TPRG1: variants seen among roughly 807,000 people sequenced by gnomAD.
TPRG1 encodes tumor protein p63 regulated 1.
A neutral mutation model predicts 29.3 loss-of-function variants in TPRG1; 29 were observed. The ratio of observed to expected loss-of-function variants is 0.99; its 90% CI spans 0.74 to 1.35. The LOEUF (loss-of-function observed/expected upper bound fraction) is 1.35, where lower values mean the gene tolerates loss of function less well. Among genes scored for constraint, TPRG1 ranks in the 40% most tolerant of loss-of-function variants. TPRG1 has a pLI of 0.00. For missense variants in TPRG1, 327 were observed against 335.0 expected, an observed-to-expected ratio of 0.98 and a Z score of 0.19; for synonymous variants, 130 against 116.8, an observed-to-expected ratio of 1.11 and a Z score of -0.73.
At chr3:189,080,537 G>A (rs1717524167) in intron 4 of TPRG1, among the ~76,000 whole-genome samples, 1 of 152,120 alleles carries the variant, frequency 6.6e-6, no homozygotes, top group Non-Finnish European at 1.5e-5. Flanking sequence ...TTATTCCCTT[G>A]TAGTGATACA....
At chr3:189,113,814 T>C (rs1295418344) in intron 1 of TPRG1, among the ~76,000 whole-genome samples, 2 of 152,012 alleles carry the variant, frequency 1.3e-5, no homozygotes, top group Non-Finnish European at 2.9e-5. Context: ...ATATACCTAA[T>C]GCTAAATGAC....
chr3:189,259,732 A>T (rs548019011), intron 4 of TPRG1, among the ~76,000 whole-genome samples: 2 of 152,100 alleles, frequency 1.3e-5, no homozygotes, highest in East Asian at 3.9e-4. Context: ...GGCCTCCCAG[A>T]CTGCTGGGAT....
intron 2 of TPRG1, among the ~76,000 whole-genome samples, chr3:189,208,916 T>C (rs952347147): frequency 5.9e-5 from 9 of 152,204 alleles, no homozygotes; most frequent in Non-Finnish European, 1.3e-4. Context: ...AAAGTTGTTT[T>C]CTCTGAATCT....
intron 4 of TPRG1, among the ~76,000 whole-genome samples, chr3:189,037,287 A>G (rs1192433677): frequency 6.6e-6 from 1 of 151,870 alleles, no homozygotes; most frequent in Non-Finnish European, 1.5e-5. Flanking sequence ...GAAAAGAAAA[A>G]AACATGATGA....
At chr3:189,229,964 C>G (rs555994989) in intron 3 of TPRG1, among the ~76,000 whole-genome samples, 1 of 152,310 alleles carries the variant, frequency 6.6e-6, no homozygotes, top group Admixed American at 6.5e-5. Flanking sequence ...TCTTGTCCGT[C>G]TGTTCTTCCC....
chr3:189,051,008 C>A (rs2152139398), intron 4 of TPRG1, among the ~76,000 whole-genome samples: 1 of 152,284 alleles, frequency 6.6e-6, no homozygotes. Context: ...AAAGCATTCC[C>A]TCTGAGAACT....
chr3:189,075,164 A>T (rs1322924934), intron 4 of TPRG1, among the ~76,000 whole-genome samples: 2 of 145,698 alleles, frequency 1.4e-5, no homozygotes, highest in Non-Finnish European at 3.0e-5. Context: ...ACGAAGTCTC[A>T]GTCTGTTGCC....
rs1715665952 is a variant in TPRG1 at position 189,056,065 on chromosome 3, C to T, written c.-463+32119C>T. On this transcript the variant is annotated intron_variant, in intron 4 of 10. Transcript: ENST00000433971. ...CCTTCCTTCCTTCCTTCCTTCCTTCCTTCCTTCCTTCCTTCCTTCCTTCCT... is the reference window on the plus strand; with the variant it reads ...CCTTCCTTCCTTCCTTCCTTCCTTCTTTCCTTCCTTCCTTCCTTCCTTCCT... Among the ~76,000 whole-genome samples the T allele has an allele frequency of 2.2e-5, 3 of 133,340 alleles. No homozygotes were observed. The South Asian group carries it at 8.6e-4, about 38-fold the overall frequency. 87.5% of individuals were successfully genotyped at this position (133,340 alleles called of 152,430 possible).
chr3:189,272,748 C>G (rs865876817), intron 4 of TPRG1, among the ~76,000 whole-genome samples: 5 of 136,282 alleles, frequency 3.7e-5, no homozygotes, highest in Admixed American at 2.2e-4. Flanking sequence ...TCCTTCCTTC[C>G]TTCGTTCCTT....
intron 3 of TPRG1, among the ~76,000 whole-genome samples, chr3:189,231,115 T>C (rs1446242399): frequency 6.6e-6 from 1 of 152,172 alleles, no homozygotes; most frequent in African/African-American, 2.4e-5. Context: ...GAACTTTACA[T>C]ATAATGCATG....
intron 1 of TPRG1, among the ~76,000 whole-genome samples, chr3:189,193,557 T>C (rs1239472523): frequency 6.6e-6 from 1 of 152,064 alleles, no homozygotes; most frequent in East Asian, 1.9e-4. Context: ...AAATATTTGT[T>C]CACTTAATAG....
At chr3:189,303,923 GA>G (rs1282609583) in intron 4 of TPRG1, among the ~76,000 whole-genome samples, 1 of 152,116 alleles carries the variant, frequency 6.6e-6, no homozygotes, top group Non-Finnish European at 1.5e-5. Flanking sequence ...GAGATTCCGT[GA>G]CCATTTTTGG....
chr3:189,310,344 A>G, intron 4 of TPRG1, 42 bp from the exon 5 acceptor site: 3 of 1,424,634 alleles, frequency 2.1e-6, no homozygotes, highest in South Asian at 3.0e-5. Context: ...TTTTTTTTGG[A>G]AATGGAAATG....
intron 5 of TPRG1, among the ~76,000 whole-genome samples, chr3:189,312,842 T>C (rs1007153797): frequency 6.6e-6 from 1 of 152,178 alleles, no homozygotes; most frequent in Non-Finnish European, 1.5e-5. Context: ...GCCTTCCCAG[T>C]AGCAAAGGCT....
chr3:189,044,740 G>A (rs527728905), intron 4 of TPRG1, among the ~76,000 whole-genome samples: 191 of 152,318 alleles, frequency 1.3e-3, no homozygotes, highest in African/African-American at 4.4e-3. Context: ...TTTGAAAAAG[G>A]TAGTTGGTGG....
intron 4 of TPRG1, among the ~76,000 whole-genome samples, chr3:189,047,361 A>G (rs1715044846): frequency 6.6e-6 from 1 of 152,212 alleles, no homozygotes; most frequent in Admixed American, 6.5e-5. Context: ...CCCAAGGTAC[A>G]TACCTTAATT....
chr3:189,301,455 C>T (rs1316265318), intron 4 of TPRG1, among the ~76,000 whole-genome samples: 2 of 152,088 alleles, frequency 1.3e-5, no homozygotes, highest in African/African-American at 2.4e-5. Flanking sequence ...CAACTAATTC[C>T]ACTTAACAGA....
rs955358456 is a variant in TPRG1, at chr3:189,072,989, CACA to C, written c.-463+49048_-463+49050del. Among the ~76,000 whole-genome samples the C allele has an allele frequency of 7.2e-5, 11 of 152,228 alleles. 1 individual carries two copies. Among genetic ancestry groups the C allele is most frequent in the Admixed American group, 6.5e-5 (1 of 15,298 alleles). The stretch of plus-strand genomic sequence containing the variant: ...TTTAAGACACTTTCTTACTCTTTGG[CACA>C]ACAAGATGATGATCTTATCTTGTGC... On this transcript the variant is annotated intron_variant, in intron 4 of 10. Transcript: ENST00000433971.
At chr3:189,064,522 A>C (rs1486769849) in intron 4 of TPRG1, among the ~76,000 whole-genome samples, 1 of 152,202 alleles carries the variant, frequency 6.6e-6, no homozygotes, top group Non-Finnish European at 1.5e-5. Flanking sequence ...AGAAAAAATA[A>C]GAAAGATTAT....
Sources: gnomAD v4.1 joint callset for allele counts (sites outside exome capture counted in the v4.1 genomes callset) on GRCh38, gnomAD v4.1.1 for gene constraint, MANE v1.5 for transcripts, NCBI Gene and HGNC (gene_info 2026-07-23, HGNC 2026-07-21) for gene names.